Variants in ERP44 observed in about 807,000 individuals in gnomAD.
The protein encoded by ERP44 is endoplasmic reticulum protein 44.
In ERP44, 25 loss-of-function variants were observed where a neutral mutation model predicts 53.4. That is an observed-to-expected ratio of 0.47 (90% CI 0.34 to 0.65). ERP44 has a LOEUF of 0.65. Ranked by LOEUF, ERP44 falls within the 30% of genes least tolerant of loss-of-function variation. The pLI is 0.01. For synonymous variants in ERP44, 145 were observed against 161.2 expected, an observed-to-expected ratio of 0.90 and a Z score of 0.76; for missense variants, 338 against 493.2, an observed-to-expected ratio of 0.69 and a Z score of 2.98.
chr9:100,040,833 C>T (rs1234239751), intron 4 of ERP44, among the ~76,000 whole-genome samples: 3 of 151,886 alleles, frequency 2.0e-5, no homozygotes, highest in Non-Finnish European at 4.4e-5. Flanking sequence ...AATCAACTTA[C>T]AAAAATCAGT....
At chr9:100,047,765 CAAAG>C (rs1483015420) in intron 4 of ERP44, among the ~76,000 whole-genome samples, 1 of 152,010 alleles carries the variant, frequency 6.6e-6, no homozygotes, top group Non-Finnish European at 1.5e-5. Context: ...TTCTATGACT[CAAAG>C]GACACAATTA....
At chr9:100,030,773 AC>A (rs1275457786) in intron 4 of ERP44, among the ~76,000 whole-genome samples, 2 of 151,580 alleles carry the variant, frequency 1.3e-5, no homozygotes, top group African/African-American at 4.9e-5. Context: ...CTGTTGGAAA[AC>A]CCCTTTGCAA....
intron 1 of ERP44, among the ~76,000 whole-genome samples, chr9:100,076,053 G>C (rs1041518751): frequency 6.6e-6 from 1 of 152,298 alleles, no homozygotes; most frequent in South Asian, 2.1e-4. Flanking sequence ...GCAAGGCCCT[G>C]CCATCTTCTG....
At chr9:99,984,283 G>A (rs879903056) in intron 11 of ERP44, among the ~76,000 whole-genome samples, 11 of 151,842 alleles carry the variant, frequency 7.2e-5, no homozygotes, top group East Asian at 1.9e-4. Context: ...CTTCCCTCTC[G>A]GTATCATGGT....
intron 4 of ERP44, among the ~76,000 whole-genome samples, chr9:100,040,335 T>C (rs575654075): frequency 6.6e-6 from 1 of 152,290 alleles, no homozygotes; most frequent in African/African-American, 2.4e-5. Flanking sequence ...GAGATTTATC[T>C]CTGGGATGTA....
intron 10 of ERP44, among the ~76,000 whole-genome samples, chr9:99,990,256 G>C (rs905727886): frequency 6.6e-5 from 10 of 152,208 alleles, no homozygotes; most frequent in African/African-American, 2.4e-4. Flanking sequence ...GTTAAGGGCA[G>C]CCAGAGAGAA....
chr9:100,084,853 A>T (rs1267206719), intron 1 of ERP44, among the ~76,000 whole-genome samples: 1 of 152,254 alleles, frequency 6.6e-6, no homozygotes, highest in Non-Finnish European at 1.5e-5. Context: ...TAATCCAGAG[A>T]CACTAGATAC....
At chr9:100,059,785 GA>G (rs977907301) in intron 2 of ERP44, among the ~76,000 whole-genome samples, 3 of 151,600 alleles carry the variant, frequency 2.0e-5, no homozygotes, top group South Asian at 2.1e-4. Flanking sequence ...AGGGAAAAAA[GA>G]AAAAAAAGTC....
chr9:99,998,540 C>A, intron 10 of ERP44: 1 of 722,348 alleles, frequency 1.4e-6, no homozygotes, highest in Admixed American at 2.0e-5. Flanking sequence ...CTAATCTTCA[C>A]GCCTTCTGGA....
chr9:100,089,105 A>G (rs909231065), intron 1 of ERP44, among the ~76,000 whole-genome samples: 1 of 152,236 alleles, frequency 6.6e-6, no homozygotes, highest in African/African-American at 2.4e-5. Flanking sequence ...GTCTCATACC[A>G]TCTTGCTTCA....
At position 100,082,467 on chromosome 9, in the gene ERP44, C is replaced by A. The variant is rs184678535; in HGVS notation, c.57+16317G>T. 7.2e-5 allele frequency among the ~76,000 whole-genome samples: 11 copies of A among 151,866 alleles called. No homozygotes were observed. The East Asian group carries it at 1.4e-3, about 19-fold the overall frequency. On this transcript the variant is annotated intron_variant, in intron 1 of 11. Coordinates refer to ENST00000262455, the MANE Select transcript of ERP44 (RefSeq NM_015051.3). The stretch of plus-strand genomic sequence containing the variant: ...ACCCCAAATAAAGACATGCTATACA[C>A]CTCAAGTCAGAGAGAAAAGACAGGC...
intron 2 of ERP44, among the ~76,000 whole-genome samples, chr9:100,059,394 A>G (rs1826117784): frequency 6.6e-6 from 1 of 152,140 alleles, no homozygotes; most frequent in Admixed American, 6.6e-5. Context: ...ATTCAGTAAA[A>G]AACTTATTAG....
intron 10 of ERP44, among the ~76,000 whole-genome samples, chr9:99,989,547 C>G (rs1339732677): frequency 6.6e-6 from 1 of 152,138 alleles, no homozygotes; most frequent in African/African-American, 2.4e-5. Flanking sequence ...AGGTCACCAT[C>G]ATCAAAGGCC....
chr9:100,074,017 T>TTA (rs1174288799), intron 1 of ERP44, among the ~76,000 whole-genome samples: 1 of 152,170 alleles, frequency 6.6e-6, no homozygotes, highest in Non-Finnish European at 1.5e-5. Flanking sequence ...CTAAAGACTA[T>TTA]TATACACTTA....
rs558774757 is a variant in ERP44, at chr9:100,005,842, T to G, written c.1016+664A>C. ...AATTTTCAAAATAAAATGTCTAACT[T>G]GAATACCTGTATTGCTTAAACTTTT... On this transcript the variant is annotated intron_variant, in intron 10 of 11. Coordinates refer to ENST00000262455, the MANE Select transcript of ERP44 (RefSeq NM_015051.3). Among the ~76,000 whole-genome samples, 5 of 152,334 alleles carry G rather than the reference T, an allele frequency of 3.3e-5. No individual in the cohort carries two copies. In the South Asian group the frequency reaches 1.0e-3, roughly 32 times the overall value.
chr9:100,006,085 C>G (rs984654434), intron 10 of ERP44, among the ~76,000 whole-genome samples: 2 of 152,204 alleles, frequency 1.3e-5, no homozygotes, highest in African/African-American at 4.8e-5. Flanking sequence ...TACTAATGTT[C>G]TTGCTATGTG....
At chr9:100,010,758 G>A (rs1830466608) in intron 8 of ERP44, among the ~76,000 whole-genome samples, 1 of 151,962 alleles carries the variant, frequency 6.6e-6, no homozygotes. Flanking sequence ...AATATTAGTT[G>A]GGCGTGGTGG....
At chr9:99,991,720 T>C (rs913579411) in intron 10 of ERP44, among the ~76,000 whole-genome samples, 6 of 151,936 alleles carry the variant, frequency 3.9e-5, no homozygotes, top group African/African-American at 1.5e-4. Flanking sequence ...AATCAATGAA[T>C]CCAGGAGCTG....
At chr9:100,094,602 G>A (rs1261999757) in intron 1 of ERP44, among the ~76,000 whole-genome samples, 1 of 152,072 alleles carries the variant, frequency 6.6e-6, no homozygotes, top group Non-Finnish European at 1.5e-5. Flanking sequence ...AGGTTGCAAT[G>A]AGTCAAGATG....
Sources: gnomAD v4.1 joint callset for allele counts (sites outside exome capture counted in the v4.1 genomes callset) on GRCh38, gnomAD v4.1.1 for gene constraint, MANE v1.5 for transcripts, NCBI Gene and HGNC (gene_info 2026-07-23, HGNC 2026-07-21) for gene names.